DST: variants seen among roughly 807,000 people sequenced by gnomAD.
DST encodes the protein bullous pemphigoid antigen.
A neutral mutation model predicts 875.2 loss-of-function variants in DST; 253 were observed. The ratio of observed to expected loss-of-function variants is 0.29; its 90% CI spans 0.26 to 0.32. DST has a LOEUF of 0.32. Among genes scored for constraint, DST ranks in the 10% least tolerant of loss-of-function variants. The pLI is 1.00. For synonymous variants in DST, 3,124 were observed against 3,197.1 expected (o/e 0.98, Z 0.77); for missense variants, 8,287 against 9,111.6 (o/e 0.91, Z 3.68).
intron 4 of DST, among the ~76,000 whole-genome samples, chr6:56,768,204 G>A (rs984011265): frequency 1.3e-5 from 2 of 151,896 alleles, no homozygotes; most frequent in Admixed American, 1.3e-4. Context: ...TTATTTCTAA[G>A]GTATAAAAAA....
At chr6:56,833,819 G>C (rs927775629) in intron 4 of DST, among the ~76,000 whole-genome samples, 4 of 152,064 alleles carry the variant, frequency 2.6e-5, no homozygotes, top group African/African-American at 9.7e-5. Flanking sequence ...GTGTCAAAAG[G>C]AGGTAATGGT....
chr6:56,676,694 T>TAA (rs34164286), intron 9 of DST, among the ~76,000 whole-genome samples: 1 of 143,788 alleles, frequency 7.0e-6, no homozygotes, highest in African/African-American at 2.6e-5. Flanking sequence ...TGATCAGCCT[T>TAA]AAAAAAAAAA....
rs1182865832 is a variant in DST at position 56,585,118 on chromosome 6, T to G, written c.12904-6181A>C. On this transcript the variant is annotated intron_variant, in intron 49 of 103. Coordinates refer to ENST00000680361, the MANE Select transcript of DST (RefSeq NM_001374736.1). ...ATGATGCTGGCCTCATAAAATGAGT[T>G]AGGGAGGATTCCCTCTTTTTCTATT... 2.6e-4 allele frequency among the ~76,000 whole-genome samples: 39 copies of G among 152,356 alleles called. No individual in the cohort carries two copies. In the East Asian group the frequency reaches 2.9e-3, roughly 11 times the overall value.
At chr6:56,775,759 A>G (rs145353018) in intron 4 of DST, among the ~76,000 whole-genome samples, 258 of 152,396 alleles carry the variant, frequency 1.7e-3, no homozygotes, top group African/African-American at 5.7e-3. Flanking sequence ...TTTGAGCAAC[A>G]AAACAAGTAG....
intron 49 of DST, among the ~76,000 whole-genome samples, chr6:56,589,930 T>C (rs1050406757): frequency 1.3e-5 from 2 of 152,242 alleles, no homozygotes; most frequent in African/African-American, 4.8e-5. Context: ...ATGCTACATG[T>C]AGAAAGATCG....
intron 4 of DST, among the ~76,000 whole-genome samples, chr6:56,818,387 T>C (rs779645527): frequency 3.3e-5 from 5 of 152,160 alleles, no homozygotes; most frequent in African/African-American, 4.8e-5. Flanking sequence ...GGTGTATATA[T>C]AACATGGGTA....
intron 16 of DST, 118 bp downstream of exon 16, chr6:56,642,292 T>A (rs541051454): frequency 2.2e-6 from 2 of 899,524 alleles, no homozygotes; most frequent in Middle Eastern, 2.1e-4. Flanking sequence ...TAACAAACTT[T>A]AAGTTTCAGT....
At chr6:56,770,890 C>T (rs2099656629) in intron 4 of DST, among the ~76,000 whole-genome samples, 1 of 151,722 alleles carries the variant, frequency 6.6e-6, no homozygotes, top group Non-Finnish European at 1.5e-5. Context: ...ATCCCAGCTA[C>T]TTGGGAGGCT....
At chr6:56,513,262 C>T (rs559097445) in intron 72 of DST, among the ~76,000 whole-genome samples, 129 of 146,194 alleles carry the variant, frequency 8.8e-4, no homozygotes, top group African/African-American at 3.1e-3. Flanking sequence ...CAGAGTTTTG[C>T]TCTTGTTGCC....
chr6:56,482,173 C>G lies in DST; in HGVS notation c.21408G>C (p.Glu7136Asp), dbSNP rs558400217. Residue 7136 changes from glutamate (E) to aspartate (D), a missense_variant, in exon 90 of 104, where the codon GAG becomes GAC. This residue lies in a region of DST where 1,292 missense variants were observed against 1,552.7 expected (regional missense o/e 0.83). Transcript: ENST00000680361. ...GGGCATGTACCACCGAGTGGAATTC[C>G]TCTGCCTAAGAGTTCACACACACAC... is the stretch of plus-strand genomic sequence containing the variant. ...TRLEAALRQAEEFHSVVHALL... is the reference protein window; with the variant it reads ...TRLEAALRQADEFHSVVHALL... The G allele has an allele frequency of 5.1e-6, 8 of 1,580,562 alleles. No homozygotes were observed. In the African/African-American group the frequency reaches 1.1e-4, roughly 21 times the overall value.
intron 72 of DST, among the ~76,000 whole-genome samples, chr6:56,512,873 A>G (rs952725191): frequency 2.6e-5 from 4 of 152,234 alleles, no homozygotes; most frequent in African/African-American, 9.6e-5. Context: ...CATGCTGCAC[A>G]TAAGAATGTG....
chr6:56,820,898 T>C (rs1246652501), intron 4 of DST, among the ~76,000 whole-genome samples: 2 of 152,142 alleles, frequency 1.3e-5, no homozygotes, highest in Admixed American at 6.6e-5. Context: ...CAAGCTGAGG[T>C]TCCCTTTCAA....
chr6:56,712,090 C>CA (rs34769867), intron 5 of DST, among the ~76,000 whole-genome samples: 12,132 of 76,352 alleles, frequency 0.16, 1,814 homozygotes, highest in African/African-American at 0.37. Context: ...GACTCCGTCT[C>CA]AAAAAAAAAA....
At chr6:56,938,422 T>C (rs1397041071) in intron 2 of DST, among the ~76,000 whole-genome samples, 1 of 151,970 alleles carries the variant, frequency 6.6e-6, no homozygotes, top group Admixed American at 6.6e-5. Flanking sequence ...CAGCACCCAG[T>C]CTGAAATTTT....
chr6:56,614,117 G>A (rs558613527), intron 37 of DST, among the ~76,000 whole-genome samples: 19 of 152,086 alleles, frequency 1.2e-4, no homozygotes, highest in South Asian at 2.1e-4. Context: ...TACTGTATTC[G>A]TTTACTAAAA....
chr6:56,918,133 C>CTTTTTTTTTTTT (rs55782325), intron 2 of DST, among the ~76,000 whole-genome samples: 1 of 140,320 alleles, frequency 7.1e-6, no homozygotes, highest in African/African-American at 2.6e-5. Flanking sequence ...TTTTTTTTTT[C>CTTTTTTTTTTTT]TTTTTTTTTT....
intron 58 of DST, among the ~76,000 whole-genome samples, chr6:56,559,007 C>T (rs1393891767): frequency 6.6e-6 from 1 of 152,096 alleles, no homozygotes; most frequent in Non-Finnish European, 1.5e-5. Flanking sequence ...AGCACTTCAA[C>T]ACAGTCACTC....
chr6:56,552,407 A>T lies in DST; in HGVS notation c.16385T>A (p.Ile5462Asn), dbSNP rs1335590671. ...GCTTAAGGCCTCCAAGTCCCTTTTG[A>T]TTCCAACAAGGTCAGGAGAGGTTTC... ...TEETSPDLVG[I>N]KRDLEALSKQ... is the part of the protein sequence containing the mutation. The change falls in exon 61 of 104, where the codon ATC becomes AAC. Residue 5462 changes from isoleucine to asparagine, a missense_variant. This residue lies in a region of DST where 777 missense variants were observed against 764.8 expected (regional missense o/e 1.02). Transcript: ENST00000680361. 5 of 1,613,874 alleles carry T rather than the reference A, an allele frequency of 3.1e-6. No individual in the cohort carries two copies. Among genetic ancestry groups the T allele is most frequent in the Non-Finnish European group, 4.2e-6 (5 of 1,179,888 alleles).
At chr6:56,699,550 AATTT>A in intron 9 of DST, 99 bp downstream of exon 9, 1 of 598,618 alleles carries the variant, frequency 1.7e-6, no homozygotes, top group Non-Finnish European at 2.9e-6. Flanking sequence ...AGAAGCTTGA[AATTT>A]ATTTTTCTTC....
Sources: allele counts gnomAD v4.1 joint callset (sites outside exome capture counted in the v4.1 genomes callset), GRCh38; gene constraint gnomAD v4.1.1; regional missense constraint gnomAD v4.1.1; transcripts MANE v1.5; gene names NCBI Gene and HGNC (gene_info 2026-07-23, HGNC 2026-07-21).